IQCH: variants seen among roughly 807,000 people sequenced by gnomAD.
IQCH encodes the protein IQ domain-containing protein H.
In IQCH, 98 loss-of-function variants were observed where a neutral mutation model predicts 117.0. The observed-to-expected ratio is 0.84, with a 90% CI of 0.71 to 0.99. The LOEUF (loss-of-function observed/expected upper bound fraction) is 0.99, where lower values mean the gene tolerates loss of function less well. Ranked by LOEUF, IQCH falls within the 50% of genes least tolerant of loss-of-function variation. The pLI is 0.00. For synonymous variants in IQCH, 412 were observed against 448.2 expected, an observed-to-expected ratio of 0.92 and a Z score of 1.02; for missense variants, 1,102 against 1,243.8, an observed-to-expected ratio of 0.89 and a Z score of 1.72.
chr15:67,485,767 T>C (rs1192970152), intron 18 of IQCH, among the ~76,000 whole-genome samples: 1 of 152,180 alleles, frequency 6.6e-6, no homozygotes, highest in African/African-American at 2.4e-5. Context: ...CAAGCAGTTC[T>C]CCTGCCTCAG....
chr15:67,500,483 T>G lies in IQCH; in HGVS notation c.2971-150T>G, dbSNP rs1355375374. 9 of 403,714 alleles carry G rather than the reference T, an allele frequency of 2.2e-5. No homozygotes were observed. Among genetic ancestry groups the G allele is most frequent in the African/African-American group, 1.9e-4 (9 of 48,396 alleles). 25.0% of individuals were successfully genotyped at this position (403,714 alleles called of 1,614,324 possible). A position where few individuals can be genotyped will look rare whatever the true frequency, so the allele number is the denominator to read the frequency against. ...TTTTTACTCATTTCAGCAAGACTGG[T>G]AAGCCATAATCTGTAGACAAATGCC... On this transcript the variant is annotated intron_variant, in intron 20 of 20. Coordinates refer to ENST00000335894, the MANE Select transcript of IQCH (RefSeq NM_001031715.3). The surrounding 1 kb of genome is among the most constrained non-coding windows in gnomAD (Gnocchi z 4.4).
At chr15:67,296,241 T>A (rs1489997599) in intron 4 of IQCH, among the ~76,000 whole-genome samples, 1 of 152,092 alleles carries the variant, frequency 6.6e-6, no homozygotes, top group Non-Finnish European at 1.5e-5. Context: ...CCAGAGTAAT[T>A]TGGGCCTGAC....
intron 4 of IQCH, among the ~76,000 whole-genome samples, chr15:67,334,978 A>C (rs563876948): frequency 6.6e-6 from 1 of 152,292 alleles, no homozygotes; most frequent in South Asian, 2.1e-4. Flanking sequence ...GAGTGGACAG[A>C]TGTTTCCTAT....
chr15:67,300,220 T>A (rs999828409), intron 4 of IQCH, among the ~76,000 whole-genome samples: 6 of 152,168 alleles, frequency 3.9e-5, no homozygotes, highest in Admixed American at 3.9e-4. Flanking sequence ...TATTAAGAAC[T>A]CATGGATTTT....
At chr15:67,278,512 T>G (rs1025042292) in intron 3 of IQCH, among the ~76,000 whole-genome samples, 1 of 152,258 alleles carries the variant, frequency 6.6e-6, no homozygotes, top group Non-Finnish European at 1.5e-5. Context: ...CAAGCTGTGA[T>G]GCTTTATAAT....
chr15:67,442,371 T>C (rs562738543), intron 16 of IQCH, among the ~76,000 whole-genome samples: 1 of 151,564 alleles, frequency 6.6e-6, no homozygotes, highest in East Asian at 2.0e-4. Flanking sequence ...GATCACGCCA[T>C]TGCACTCCAG....
intron 18 of IQCH, among the ~76,000 whole-genome samples, chr15:67,477,044 CTTTTTT>C (rs71455553): frequency 1.4e-5 from 1 of 71,176 alleles, no homozygotes; most frequent in Non-Finnish European, 2.5e-5. Flanking sequence ...TCTTTTTCTT[CTTTTTT>C]TTTTTTTTTT....
intron 6 of IQCH, among the ~76,000 whole-genome samples, chr15:67,348,373 A>ACG (rs1969501017): frequency 6.6e-6 from 1 of 151,718 alleles, no homozygotes; most frequent in African/African-American, 2.4e-5. Flanking sequence ...ACACACACAC[A>ACG]CACACACGCA....
At chr15:67,378,529 G>C (rs1970814147) in intron 10 of IQCH, among the ~76,000 whole-genome samples, 1 of 150,310 alleles carries the variant, frequency 6.7e-6, no homozygotes. Context: ...GATCTTTCAG[G>C]ATCAGGAACA....
rs1439219339 is a variant in IQCH at position 67,432,553 on chromosome 15, A to G, written c.2505+10976A>G. On this transcript the variant is annotated intron_variant, in intron 16 of 20. Coordinates refer to ENST00000335894, the MANE Select transcript of IQCH (RefSeq NM_001031715.3). This position sits in a 1 kb window ranked among gnomAD's most constrained non-coding sequence, Gnocchi z 5.0. ...GTATGTTCTGAGAGGCTAAGCAGAT[A>G]TAAGGTGATGTTCTTATTAAATCAA... 6.6e-6 allele frequency among the ~76,000 whole-genome samples: 1 copy of G among 152,170 alleles called. No homozygotes were observed. The highest frequency in any genetic ancestry group is 1.5e-5 in the Non-Finnish European group (1 of 68,028).
At chr15:67,289,265 A>T (rs561786842) in intron 4 of IQCH, among the ~76,000 whole-genome samples, 2 of 152,250 alleles carry the variant, frequency 1.3e-5, no homozygotes, top group South Asian at 4.1e-4. Flanking sequence ...ATTTGAAAAG[A>T]TTGTTTTGTC....
At chr15:67,330,418 T>C (rs1380594246) in intron 4 of IQCH, among the ~76,000 whole-genome samples, 1 of 152,176 alleles carries the variant, frequency 6.6e-6, no homozygotes, top group Admixed American at 6.5e-5. Flanking sequence ...GAGCTAGGAA[T>C]CCAGTCCAGT....
chr15:67,371,454 A>C (rs1202121560), intron 8 of IQCH: 1 of 1,523,426 alleles, frequency 6.6e-7, no homozygotes, highest in Non-Finnish European at 8.8e-7. Flanking sequence ...CACCTGGGAC[A>C]GCCCCAGATA....
chr15:67,462,942 G>A (rs1231763685), intron 16 of IQCH, among the ~76,000 whole-genome samples: 2 of 152,212 alleles, frequency 1.3e-5, no homozygotes, highest in Non-Finnish European at 1.5e-5. Context: ...TTGGCAGTTA[G>A]TTTTTAACAA....
At chr15:67,317,234 A>T (rs976817769) in intron 4 of IQCH, among the ~76,000 whole-genome samples, 4 of 152,032 alleles carry the variant, frequency 2.6e-5, no homozygotes, top group African/African-American at 4.8e-5. Flanking sequence ...TTTTTTTGAG[A>T]TGGAGTCTCA....
chr15:67,321,493 T>C (rs1968124463), intron 4 of IQCH, among the ~76,000 whole-genome samples: 1 of 151,058 alleles, frequency 6.6e-6, no homozygotes, highest in Admixed American at 6.6e-5. Context: ...TTTCTTTTTC[T>C]TTCTTTTTTC....
rs1596238555 is a variant in IQCH, at chr15:67,350,885, C to T, written c.638-6460C>T. Among the ~76,000 whole-genome samples the T allele has an allele frequency of 3.3e-5, 5 of 152,078 alleles. No homozygotes were observed. The South Asian group carries it at 1.0e-3, about 32-fold the overall frequency. On this transcript the variant is annotated intron_variant, in intron 6 of 20. Transcript: ENST00000335894. ...AAGAATAATGGGGGAGGGACACCTG[C>T]TTGACATGAAAGGAAAGCATAGGGA...
rs761495925 is a variant in IQCH at position 67,372,356 on chromosome 15, G to A, written c.999G>A (p.Leu333=). The change falls in exon 9 of 21, where the codon CTG becomes CTA. Residue 333 remains leucine (L), a synonymous_variant. Transcript: ENST00000335894. The part of the protein sequence containing the change: ...NLVALLPEFE[L]TNKLTRYDLL... ...TGGCCCTCCTTCCAGAGTTTGAGCT[G>A]ACGAATAAACTTACCAGATATGACC... 1.9e-6 allele frequency: 3 copies of A among 1,614,036 alleles called. No homozygotes were observed. Among genetic ancestry groups the A allele is most frequent in the South Asian group, 1.1e-5 (1 of 91,084 alleles).
Position 67,433,583 on chromosome 15 carries a change from G to A in IQCH, c.2505+12006G>A, listed in dbSNP as rs2082062793. On this transcript the variant is annotated intron_variant, in intron 16 of 20. Coordinates refer to ENST00000335894, the MANE Select transcript of IQCH (RefSeq NM_001031715.3). This position sits in a 1 kb window ranked among gnomAD's most constrained non-coding sequence, Gnocchi z 5.4. ...AAAAGATGCCCATTCTCATCATGGA[G>A]CTCTTTGCTTCCTTTCAAATGAAAC... is the stretch of plus-strand genomic sequence containing the variant. 6.6e-6 allele frequency among the ~76,000 whole-genome samples: 1 copy of A among 152,120 alleles called. No homozygotes were observed. Among genetic ancestry groups the A allele is most frequent in the Admixed American group, 6.5e-5 (1 of 15,272 alleles).
Sources: allele counts gnomAD v4.1 joint callset (sites outside exome capture counted in the v4.1 genomes callset), GRCh38; gene constraint gnomAD v4.1.1; non-coding constraint Gnocchi (gnomAD v3.1); transcripts MANE v1.5; gene names NCBI Gene and HGNC (gene_info 2026-07-23, HGNC 2026-07-21).